Variants in GLCE observed in about 807,000 individuals in gnomAD.
GLCE encodes the protein D-glucuronyl C5-epimerase.
Under a neutral mutation model 47.9 loss-of-function variants are expected in GLCE, and 19 were observed. The ratio of observed to expected loss-of-function variants is 0.40; its 90% CI spans 0.28 to 0.58. The LOEUF is 0.58. Among genes scored for constraint, GLCE ranks in the 20% least tolerant of loss-of-function variants. GLCE has a pLI of 0.48. For synonymous variants in GLCE, 245 were observed against 263.4 expected (o/e 0.93, Z 0.68); for missense variants, 556 against 743.3 (o/e 0.75, Z 2.93).
intron 1 of GLCE, among the ~76,000 whole-genome samples, chr15:69,169,353 A>C (rs1336369615): frequency 6.6e-6 from 1 of 152,238 alleles, no homozygotes; most frequent in African/African-American, 2.4e-5. Flanking sequence ...CTTCATTTAA[A>C]TATATAATAA....
Position 69,269,233 on chromosome 15 carries a change from A to G in GLCE, c.1843A>G (p.Lys615Glu). The G allele has an allele frequency of 6.2e-7, 1 of 1,613,756 alleles. No homozygotes were observed. Reference protein sequence around the residue: ...WKSYLKGSRAKHN With the variant: ...WKSYLKGSRAEHN ...AAGCTACCTTAAAGGCAGCAGGGCA[A>G]AGCACAACTAGAGCTCACAACCAAA... The change falls in exon 5 of 5, where the codon AAG becomes GAG. Residue 615 changes from lysine (K) to glutamate (E), a missense_variant. Around this residue, in one of 3 missense-constraint regions of GLCE, gnomAD observed 245 missense variants for 368.1 expected, o/e 0.67. Transcript: ENST00000261858.
At chr15:69,164,172 C>T (rs2051467408) in intron 1 of GLCE, among the ~76,000 whole-genome samples, 3 of 152,028 alleles carry the variant, frequency 2.0e-5, no homozygotes, top group African/African-American at 7.2e-5. Context: ...CAAACATATA[C>T]ACATCTGATA....
intron 1 of GLCE, among the ~76,000 whole-genome samples, chr15:69,183,976 G>C (rs1169994350): frequency 6.6e-6 from 1 of 152,160 alleles, no homozygotes; most frequent in African/African-American, 2.4e-5. Context: ...CCCAAATAGA[G>C]GAAACACCAG....
Position 69,226,808 on chromosome 15 carries a change from G to A in GLCE, c.-14+16402G>A, listed in dbSNP as rs79384700. Reference sequence around the variant, plus strand: ...CACCCAGGCTGGAGTGCAGTGGCGTGATCTCGGCTCACTGCAACCTCCGCC... The same window carrying A: ...CACCCAGGCTGGAGTGCAGTGGCGTAATCTCGGCTCACTGCAACCTCCGCC... On this transcript the variant is annotated intron_variant, in intron 2 of 4. Coordinates refer to ENST00000261858, the MANE Select transcript of GLCE (RefSeq NM_015554.3). Among the ~76,000 whole-genome samples the A allele has an allele frequency of 1.4e-3, 167 of 123,400 alleles. 1 individual carries two copies. In the East Asian group the frequency reaches 0.04, roughly 30 times the overall value. 81.0% of individuals were successfully genotyped at this position (123,400 alleles called of 152,430 possible).
intron 1 of GLCE, among the ~76,000 whole-genome samples, chr15:69,184,012 T>C (rs2051787586): frequency 6.6e-6 from 1 of 152,212 alleles, no homozygotes; most frequent in South Asian, 2.1e-4. Flanking sequence ...AGGTACATTA[T>C]TTGATGTTGG....
chr15:69,186,089 C>T (rs1310026700), intron 1 of GLCE, among the ~76,000 whole-genome samples: 1 of 152,146 alleles, frequency 6.6e-6, no homozygotes. Flanking sequence ...CTTTCATGTC[C>T]TCCCTGGGTA....
intron 2 of GLCE, among the ~76,000 whole-genome samples, chr15:69,250,997 T>A (rs1162407353): frequency 6.6e-6 from 1 of 152,112 alleles, no homozygotes; most frequent in East Asian, 1.9e-4. Context: ...CAGAACCAAG[T>A]TTCACATCTG....
At chr15:69,241,008 C>G (rs2052663871) in intron 2 of GLCE, among the ~76,000 whole-genome samples, 1 of 152,186 alleles carries the variant, frequency 6.6e-6, no homozygotes, top group African/African-American at 2.4e-5. Flanking sequence ...TGAAAACAGC[C>G]TAACAACTAA....
At chr15:69,240,544 G>C (rs1433773187) in intron 2 of GLCE, among the ~76,000 whole-genome samples, 3 of 152,124 alleles carry the variant, frequency 2.0e-5, no homozygotes, top group Non-Finnish European at 4.4e-5. Context: ...GGATGAAAGT[G>C]GGGGCTAGCT....
chr15:69,241,466 G>C (rs894034668), intron 2 of GLCE, among the ~76,000 whole-genome samples: 3 of 152,122 alleles, frequency 2.0e-5, no homozygotes, highest in African/African-American at 7.2e-5. Flanking sequence ...GCTAACTCTT[G>C]AATCACTGCT....
intron 1 of GLCE, among the ~76,000 whole-genome samples, chr15:69,176,455 C>T (rs1368946155): frequency 4.6e-5 from 7 of 151,854 alleles, no homozygotes; most frequent in Admixed American, 4.6e-4. Context: ...AACTCCTGAC[C>T]TCAGATGATC....
At chr15:69,252,319 G>A (rs1338347300) in intron 2 of GLCE, among the ~76,000 whole-genome samples, 1 of 152,192 alleles carries the variant, frequency 6.6e-6, no homozygotes, top group African/African-American at 2.4e-5. Flanking sequence ...CATGGTGCCA[G>A]CATCCACTCA....
In GLCE at chr15:69,256,006, A is replaced by G. The variant is rs1233196892; in HGVS notation, c.200A>G (p.His67Arg). 2 of 1,613,982 alleles carry G rather than the reference A, an allele frequency of 1.2e-6. No homozygotes were observed. The highest frequency in any genetic ancestry group is 1.7e-6 in the Non-Finnish European group (2 of 1,179,992). Reference sequence around the variant, plus strand: ...TCTGAGAGTAACAACTATATGAACCACGTGGCCAAACAACAGTCTGAGGAA... The same window carrying G: ...TCTGAGAGTAACAACTATATGAACCGCGTGGCCAAACAACAGTCTGAGGAA... ...AASESNNYMN[H>R]VAKQQSEEAF... The change falls in exon 3 of 5, where the codon CAC becomes CGC. Residue 67 changes from histidine (H) to arginine (R), a missense_variant. His to Arg is a conservative substitution (Grantham distance 29). Coordinates refer to ENST00000261858, the MANE Select transcript of GLCE (RefSeq NM_015554.3).
At chr15:69,264,160 A>G (rs935434585) in intron 4 of GLCE, among the ~76,000 whole-genome samples, 12 of 149,388 alleles carry the variant, frequency 8.0e-5, no homozygotes, top group Non-Finnish European at 1.8e-4. Flanking sequence ...ACATCTCCCC[A>G]TTTTTCCCAC....
At chr15:69,258,154 C>G (rs2052957054) in intron 3 of GLCE, among the ~76,000 whole-genome samples, 1 of 152,052 alleles carries the variant, frequency 6.6e-6, no homozygotes, top group Admixed American at 6.6e-5. Flanking sequence ...CACCTACCCT[C>G]TACCCTCCAG....
chr15:69,261,345 T>G lies in GLCE; in HGVS notation c.829+16T>G, dbSNP rs2053012185. On this transcript the variant is annotated intron_variant, in intron 4 of 4. Coordinates refer to ENST00000261858, the MANE Select transcript of GLCE (RefSeq NM_015554.3). Reference sequence around the variant, plus strand: ...ATTGCACCAGGTAAGTTATGTATTATATGTGCCTGCTAATTTTATGTTGAT... The same window carrying G: ...ATTGCACCAGGTAAGTTATGTATTAGATGTGCCTGCTAATTTTATGTTGAT... 1 of 1,604,358 alleles carries G rather than the reference T, an allele frequency of 6.2e-7. No individual in the cohort carries two copies. The highest frequency in any genetic ancestry group is 1.3e-5 in the African/African-American group (1 of 74,652).
intron 1 of GLCE, among the ~76,000 whole-genome samples, chr15:69,161,131 G>A (rs1306875967): frequency 6.6e-6 from 1 of 152,138 alleles, no homozygotes; most frequent in Non-Finnish European, 1.5e-5. Context: ...GGGGTTCCGG[G>A]ACAAGGGGTC....
At chr15:69,180,807 CGTGG>C (rs2051738921) in intron 1 of GLCE, among the ~76,000 whole-genome samples, 1 of 151,966 alleles carries the variant, frequency 6.6e-6, no homozygotes, top group Non-Finnish European at 1.5e-5. Context: ...CTAAGTGATA[CGTGG>C]TATAGAAAGA....
chr15:69,226,650 T>C (rs553773537), intron 2 of GLCE, among the ~76,000 whole-genome samples: 23 of 152,086 alleles, frequency 1.5e-4, no homozygotes, highest in African/African-American at 5.5e-4. Context: ...AAGAATTTCA[T>C]GTTCATGCAC....
Sources: gnomAD v4.1 joint callset for allele counts (sites outside exome capture counted in the v4.1 genomes callset) on GRCh38, gnomAD v4.1.1 for gene constraint, gnomAD v4.1.1 regional missense constraint, MANE v1.5 for transcripts, NCBI Gene and HGNC (gene_info 2026-07-23, HGNC 2026-07-21) for gene names.